The following SPOCK1 variants were observed in gnomAD, a reference collection of about 807,000 sequenced individuals.
SPOCK1 encodes the protein testican-1.
SPOCK1 carries 23 observed loss-of-function variants against 55.3 expected under a neutral mutation model. That is an observed-to-expected ratio of 0.42 (90% CI 0.30 to 0.59). SPOCK1 has a LOEUF of 0.59. SPOCK1 is among the 20% of genes least tolerant of loss of function. The pLI is 0.22. For synonymous variants in SPOCK1, 226 were observed against 221.0 expected (o/e 1.02, Z -0.20); for missense variants, 499 against 552.5 (o/e 0.90, Z 0.97).
chr5:137,384,563 C>CATATATATATATAT (rs368458010), intron 2 of SPOCK1, among the ~76,000 whole-genome samples: 1 of 133,476 alleles, frequency 7.5e-6, no homozygotes, highest in Non-Finnish European at 1.5e-5. Flanking sequence ...TACATACATA[C>CATATATATATATAT]ATATATATAT....
chr5:137,177,268 A>G (rs1754873022), intron 3 of SPOCK1, among the ~76,000 whole-genome samples: 2 of 152,308 alleles, frequency 1.3e-5, no homozygotes, highest in Middle Eastern at 3.4e-3. Flanking sequence ...TTTCTTTGAA[A>G]TCAGGGCAAC....
chr5:137,077,553 C>T (rs917286846), intron 5 of SPOCK1, among the ~76,000 whole-genome samples: 3 of 152,332 alleles, frequency 2.0e-5, no homozygotes, highest in African/African-American at 7.2e-5. Flanking sequence ...AGCCAACTTA[C>T]AGAAGTGAAG....
At chr5:137,300,001 T>C (rs1296560592) in intron 2 of SPOCK1, among the ~76,000 whole-genome samples, 1 of 152,180 alleles carries the variant, frequency 6.6e-6, no homozygotes, top group Non-Finnish European at 1.5e-5. Flanking sequence ...TGTCCGACTT[T>C]CCTCTTCTTT....
chr5:137,497,749 A>C (rs1464204230), intron 2 of SPOCK1, among the ~76,000 whole-genome samples: 5 of 152,280 alleles, frequency 3.3e-5, no homozygotes, highest in African/African-American at 1.2e-4. Context: ...CAGGGGACCA[A>C]CTGCACGGGC....
At chr5:137,161,106 C>CTAATATA (rs1004861460) in intron 3 of SPOCK1, among the ~76,000 whole-genome samples, 1 of 144,182 alleles carries the variant, frequency 6.9e-6, no homozygotes, top group Non-Finnish European at 1.5e-5. Flanking sequence ...ATATATATAT[C>CTAATATA]TAATATATAA....
chr5:137,104,510 CA>C (rs1392447327), intron 5 of SPOCK1, among the ~76,000 whole-genome samples: 1 of 152,180 alleles, frequency 6.6e-6, no homozygotes, highest in African/African-American at 2.4e-5. Flanking sequence ...GCAGGGTCCC[CA>C]TCCCCAAGGC....
At chr5:137,159,945 G>A (rs1278954572) in intron 3 of SPOCK1, among the ~76,000 whole-genome samples, 1 of 151,892 alleles carries the variant, frequency 6.6e-6, no homozygotes, top group Non-Finnish European at 1.5e-5. Flanking sequence ...TCTTTACCTT[G>A]GTGAACATAA....
chr5:137,168,002 CAAAG>C (rs1754681003), intron 3 of SPOCK1, among the ~76,000 whole-genome samples: 1 of 151,692 alleles, frequency 6.6e-6, no homozygotes, highest in Non-Finnish European at 1.5e-5. Context: ...GAAATTGAAA[CAAAG>C]AAAACAAAAG....
intron 3 of SPOCK1, among the ~76,000 whole-genome samples, chr5:137,261,058 G>T (rs1210788177): frequency 2.0e-5 from 3 of 152,090 alleles, no homozygotes; most frequent in African/African-American, 7.2e-5. Context: ...CCACAAACGA[G>T]GCCAGCTGCC....
chr5:137,016,705 C>T (rs1470495197), intron 6 of SPOCK1, among the ~76,000 whole-genome samples: 1 of 152,200 alleles, frequency 6.6e-6, no homozygotes, highest in Admixed American at 6.5e-5. Flanking sequence ...ACAAACAACC[C>T]AACTTAGAGT....
intron 5 of SPOCK1, among the ~76,000 whole-genome samples, chr5:137,073,680 T>G (rs1338589137): frequency 3.9e-5 from 6 of 152,208 alleles, no homozygotes; most frequent in Non-Finnish European, 1.5e-5. Context: ...AATGCTTTTT[T>G]TTTTTACAAG....
At chr5:137,066,021 C>T (rs1386489537) in intron 6 of SPOCK1, among the ~76,000 whole-genome samples, 1 of 152,092 alleles carries the variant, frequency 6.6e-6, no homozygotes, top group Non-Finnish European at 1.5e-5. Context: ...ATCATGAGGC[C>T]CTCCCAGAAA....
intron 2 of SPOCK1, among the ~76,000 whole-genome samples, chr5:137,269,871 G>A (rs1478907833): frequency 2.6e-5 from 4 of 152,154 alleles, no homozygotes; most frequent in African/African-American, 9.6e-5. Flanking sequence ...CCAAGGCTGG[G>A]CATTTCACCA....
intron 2 of SPOCK1, among the ~76,000 whole-genome samples, chr5:137,493,766 T>C (rs1754239442): frequency 6.6e-6 from 1 of 152,210 alleles, no homozygotes; most frequent in Non-Finnish European, 1.5e-5. Context: ...GTTTCCGTGA[T>C]GACAGATTAA....
intron 2 of SPOCK1, among the ~76,000 whole-genome samples, chr5:137,384,551 T>TATAC (rs1208586174): frequency 4.8e-5 from 7 of 146,402 alleles, no homozygotes; most frequent in Non-Finnish European, 7.4e-5. Context: ...TATACACACA[T>TATAC]ATACATACAT....
intron 3 of SPOCK1, among the ~76,000 whole-genome samples, chr5:137,260,244 A>G (rs957649815): frequency 2.6e-5 from 4 of 152,224 alleles, no homozygotes; most frequent in Non-Finnish European, 4.4e-5. Context: ...TTTACATTTA[A>G]AAATACTAAG....
chr5:137,433,866 GA>G (rs59590757), intron 2 of SPOCK1, among the ~76,000 whole-genome samples: 6,950 of 151,806 alleles, frequency 0.046, 546 homozygotes, highest in African/African-American at 0.16. Flanking sequence ...TAATTGAGGG[GA>G]AAAAAATGGA....
At chr5:137,351,438 G>T (rs796859057) in intron 2 of SPOCK1, among the ~76,000 whole-genome samples, 1 of 152,174 alleles carries the variant, frequency 6.6e-6, no homozygotes, top group Non-Finnish European at 1.5e-5. Flanking sequence ...TGATTCCAAG[G>T]GTCCTCCTGA....
intron 3 of SPOCK1, among the ~76,000 whole-genome samples, chr5:137,232,104 C>A: frequency 6.6e-6 from 1 of 152,256 alleles, no homozygotes; most frequent in East Asian, 1.9e-4. Context: ...ACACTTGCCA[C>A]CTGTAAGATA....
Sources: gnomAD v4.1 joint callset for allele counts (sites outside exome capture counted in the v4.1 genomes callset) on GRCh38, gnomAD v4.1.1 for gene constraint, MANE v1.5 for transcripts, NCBI Gene and HGNC (gene_info 2026-07-23, HGNC 2026-07-21) for gene names.